The following DPP10 variants were observed in gnomAD, a reference collection of about 807,000 sequenced individuals.
DPP10 encodes inactive dipeptidyl peptidase 10.
DPP10 carries 33 observed loss-of-function variants against 120.9 expected under a neutral mutation model. The ratio of observed to expected loss-of-function variants is 0.27; its 90% CI spans 0.21 to 0.37. The LOEUF (loss-of-function observed/expected upper bound fraction) is 0.37. Among genes scored for constraint, DPP10 ranks in the 10% least tolerant of loss-of-function variants. The pLI, the probability that DPP10 is intolerant of heterozygous loss-of-function variation, is 1.00. For missense variants in DPP10, 816 were observed against 942.8 expected, an observed-to-expected ratio of 0.87 and a Z score of 1.76; for synonymous variants, 337 against 326.1, an observed-to-expected ratio of 1.03 and a Z score of -0.36.
At chr2:115,562,050 C>T (rs1353385246) in intron 5 of DPP10, among the ~76,000 whole-genome samples, 1 of 152,132 alleles carries the variant, frequency 6.6e-6, no homozygotes, top group Non-Finnish European at 1.5e-5. Flanking sequence ...ATTCCATTTC[C>T]CACATGTTAT....
At position 115,135,228 on chromosome 2, in the gene DPP10, G is replaced by A. The variant is rs191032753; in HGVS notation, c.61-174011G>A. ...TGTACTTCTTTATAGATCCTCTGAA[G>A]TGGGGCCCTTGAGATATATATATAT... On this transcript the variant is annotated intron_variant, in intron 1 of 25. Coordinates refer to ENST00000410059, the MANE Select transcript of DPP10 (RefSeq NM_020868.6). 2.3e-3 allele frequency among the ~76,000 whole-genome samples: 252 copies of A among 109,336 alleles called. 7 individuals carry two copies. The highest frequency in any genetic ancestry group is 7.3e-3 in the African/African-American group (233 of 32,136). The allele number at this position is 109,336 out of a possible 152,430, so 71.7% of individuals were successfully genotyped here.
rs1185788830 is a variant in DPP10 at position 115,064,607 on chromosome 2, C to T, written c.61-244632C>T. The T allele has an allele frequency of 1.4e-5, 17 of 1,234,374 alleles. No homozygotes were observed. In the East Asian group the frequency reaches 1.7e-4, roughly 13 times the overall value. 76.5% of individuals were successfully genotyped at this position (1,234,374 alleles called of 1,614,324 possible). On this transcript the variant is annotated intron_variant, in intron 1 of 25. Coordinates refer to ENST00000410059, the MANE Select transcript of DPP10 (RefSeq NM_020868.6). Reference sequence around the variant, plus strand: ...TCGGTTGGACATAGGTGGGCACTGACGTAGATTCTTTGCTTCCTGTACTTA... The same window carrying T: ...TCGGTTGGACATAGGTGGGCACTGATGTAGATTCTTTGCTTCCTGTACTTA...
intron 1 of DPP10, among the ~76,000 whole-genome samples, chr2:115,225,336 G>A (rs2057378709): frequency 6.6e-6 from 1 of 152,086 alleles, no homozygotes; most frequent in Non-Finnish European, 1.5e-5. Context: ...ACCTGCTGGG[G>A]TGCAACGTGA....
At chr2:115,131,737 T>C (rs966589209) in intron 1 of DPP10, 3 of 152,118 alleles carry the variant, frequency 2.0e-5, no homozygotes, top group Non-Finnish European at 2.9e-5. Context: ...TGAGTGACCA[T>C]GGCCTGGGGA....
chr2:115,492,448 G>A (rs1238002873), intron 3 of DPP10, among the ~76,000 whole-genome samples: 3 of 152,104 alleles, frequency 2.0e-5, no homozygotes, highest in African/African-American at 7.2e-5. Context: ...GGTGAATTGA[G>A]GGATGTGAGT....
intron 3 of DPP10, among the ~76,000 whole-genome samples, chr2:115,429,433 G>A (rs34825131): frequency 0.5 from 76,475 of 151,816 alleles, 20,752 homozygotes; most frequent in Non-Finnish European, 0.62. Flanking sequence ...AAAACAGAGT[G>A]GTAATGAGGT....
At chr2:115,685,023 G>A (rs1312037720) in intron 5 of DPP10, among the ~76,000 whole-genome samples, 1 of 151,902 alleles carries the variant, frequency 6.6e-6, no homozygotes, top group African/African-American at 2.4e-5. Context: ...TCGCAAAGTG[G>A]ATTGTAATCA....
At chr2:115,210,859 TG>T (rs749309210) in intron 1 of DPP10, among the ~76,000 whole-genome samples, 57 of 152,300 alleles carry the variant, frequency 3.7e-4, no homozygotes, top group Non-Finnish European at 7.2e-4. Flanking sequence ...CACTTTTTGA[TG>T]GGGTTGTTTT....
chr2:115,432,109 A>C (rs1421990166), intron 3 of DPP10, among the ~76,000 whole-genome samples: 1 of 152,120 alleles, frequency 6.6e-6, no homozygotes, highest in Non-Finnish European at 1.5e-5. Context: ...AAGGGATTTC[A>C]AATTATATAG....
chr2:115,003,442 A>T (rs1333288341), intron 1 of DPP10, among the ~76,000 whole-genome samples: 1 of 152,138 alleles, frequency 6.6e-6, no homozygotes, highest in African/African-American at 2.4e-5. Flanking sequence ...TGATGAAATA[A>T]TATATACACG....
chr2:114,794,274 T>C (rs1683498213), intron 1 of DPP10, among the ~76,000 whole-genome samples: 2 of 152,186 alleles, frequency 1.3e-5, no homozygotes. Flanking sequence ...TAAGCCATGA[T>C]GCTTAGAGAA....
At chr2:115,009,698 C>T (rs1344295363) in intron 1 of DPP10, among the ~76,000 whole-genome samples, 1 of 151,896 alleles carries the variant, frequency 6.6e-6, no homozygotes, top group African/African-American at 2.4e-5. Context: ...ATGGGTGCAG[C>T]AAACCACCAA....
intron 1 of DPP10, among the ~76,000 whole-genome samples, chr2:115,231,510 C>T (rs1226663896): frequency 6.6e-6 from 1 of 152,046 alleles, no homozygotes; most frequent in Non-Finnish European, 1.5e-5. Flanking sequence ...TCTTAGAAGT[C>T]ATCTTAGTCC....
intron 1 of DPP10, among the ~76,000 whole-genome samples, chr2:114,990,067 G>C (rs946496527): frequency 6.6e-6 from 1 of 151,978 alleles, no homozygotes; most frequent in Non-Finnish European, 1.5e-5. Flanking sequence ...CTCTTTCTTT[G>C]AATTAGTTGC....
chr2:115,601,075 G>A (rs894323877), intron 5 of DPP10, among the ~76,000 whole-genome samples: 1 of 152,142 alleles, frequency 6.6e-6, no homozygotes, highest in African/African-American at 2.4e-5. Context: ...TAGGTCCTAT[G>A]AGACTAGAAT....
intron 3 of DPP10, among the ~76,000 whole-genome samples, chr2:115,349,490 T>A (rs745743223): frequency 2.0e-5 from 3 of 152,080 alleles, no homozygotes; most frequent in Non-Finnish European, 4.4e-5. Context: ...AAATGAAAAG[T>A]CAAGGTCTGT....
At chr2:115,332,304 T>C (rs1228171124) in intron 2 of DPP10, among the ~76,000 whole-genome samples, 1 of 152,134 alleles carries the variant, frequency 6.6e-6, no homozygotes, top group Non-Finnish European at 1.5e-5. Context: ...GCGTATTTTA[T>C]TCTTCTCTCT....
intron 1 of DPP10, among the ~76,000 whole-genome samples, chr2:114,994,877 A>G (rs1243521864): frequency 1.3e-5 from 2 of 152,180 alleles, no homozygotes; most frequent in Non-Finnish European, 2.9e-5. Flanking sequence ...ATCAATTCTA[A>G]TATTGCACTT....
intron 1 of DPP10, among the ~76,000 whole-genome samples, chr2:114,965,951 C>A (rs137958096): frequency 1.0e-3 from 103 of 103,408 alleles, no homozygotes; most frequent in African/African-American, 3.8e-3. Flanking sequence ...GGGCGCAGAG[C>A]GAGACTCCTT....
Sources: gnomAD v4.1 joint callset for allele counts (sites outside exome capture counted in the v4.1 genomes callset) on GRCh38, gnomAD v4.1.1 for gene constraint, MANE v1.5 for transcripts, NCBI Gene and HGNC (gene_info 2026-07-23, HGNC 2026-07-21) for gene names.